Variants in GPC6 observed in about 807,000 individuals in gnomAD.
The protein encoded by GPC6 is glypican 6.
In GPC6, 14 loss-of-function variants were observed where a neutral mutation model predicts 55.2. The observed-to-expected ratio is 0.25, with a 90% CI of 0.17 to 0.40. The LOEUF (loss-of-function observed/expected upper bound fraction) is 0.40. Among genes scored for constraint, GPC6 ranks in the 10% least tolerant of loss-of-function variants. GPC6 has a pLI of 1.00. For missense variants in GPC6, 641 were observed against 708.5 expected (o/e 0.90, Z 1.08); for synonymous variants, 278 against 259.6 (o/e 1.07, Z -0.68).
chr13:94,085,321 CAAA>C lies in GPC6; in HGVS notation c.877+57448_877+57450del, dbSNP rs33967804. Among the ~76,000 whole-genome samples the C allele has an allele frequency of 3.7e-3, 323 of 87,052 alleles. 2 individuals carry two copies. The highest frequency in any genetic ancestry group is 0.011 in the African/African-American group (257 of 23,212). 57.1% of individuals were successfully genotyped at this position (87,052 alleles called of 152,430 possible). A position where few individuals can be genotyped will look rare whatever the true frequency, so the allele number is the denominator to read the frequency against. ...TGGGTGACAGAGCGAGATTCTGTCT[CAAA>C]AAAAAAAAAAAAAAAAAAAAGGGAA... On this transcript the variant is annotated intron_variant, in intron 4 of 8. Coordinates refer to ENST00000377047, the MANE Select transcript of GPC6 (RefSeq NM_005708.5).
chr13:93,275,277 C>A (rs1877691570), intron 1 of GPC6, among the ~76,000 whole-genome samples: 1 of 152,110 alleles, frequency 6.6e-6, no homozygotes, highest in African/African-American at 2.4e-5. Flanking sequence ...CATGAAATGG[C>A]TTTTTCTGTC....
intron 4 of GPC6, among the ~76,000 whole-genome samples, chr13:94,118,168 A>G (rs576047174): frequency 6.6e-6 from 1 of 152,160 alleles, no homozygotes; most frequent in African/African-American, 2.4e-5. Context: ...ATAATCCCCA[A>G]GTGTCATAGG....
intron 2 of GPC6, among the ~76,000 whole-genome samples, chr13:93,788,518 T>TACACACACACACACACACAC (rs71203703): frequency 6.1e-5 from 9 of 148,028 alleles, no homozygotes; most frequent in East Asian, 2.0e-4. Flanking sequence ...GTTCACTCTT[T>TACACACACACACACACACAC]ACACACACAC....
chr13:93,910,518 T>G (rs1227585949), intron 3 of GPC6, among the ~76,000 whole-genome samples: 1 of 151,982 alleles, frequency 6.6e-6, no homozygotes, highest in East Asian at 1.9e-4. Flanking sequence ...GATTGAGAGA[T>G]AGATCCAATG....
At chr13:94,195,840 G>A (rs900427904) in intron 4 of GPC6, among the ~76,000 whole-genome samples, 1 of 152,174 alleles carries the variant, frequency 6.6e-6, no homozygotes, top group African/African-American at 2.4e-5. Flanking sequence ...AAAGACTGTA[G>A]TTTACGGGTG....
intron 3 of GPC6, among the ~76,000 whole-genome samples, chr13:93,892,946 A>C (rs563759234): frequency 1.3e-5 from 2 of 151,384 alleles, no homozygotes; most frequent in South Asian, 2.1e-4. Flanking sequence ...TTGGAAATGC[A>C]AAGTATAAAT....
chr13:93,732,180 C>A (rs1192567300), intron 2 of GPC6, among the ~76,000 whole-genome samples: 1 of 152,060 alleles, frequency 6.6e-6, no homozygotes, highest in African/African-American at 2.4e-5. Context: ...AAGTGATGTC[C>A]ACATGTCCCT....
At position 93,992,565 on chromosome 13, in the gene GPC6, A is replaced by G. The variant is rs138353136; in HGVS notation, c.712-35164A>G. On this transcript the variant is annotated intron_variant, in intron 3 of 8. Coordinates refer to ENST00000377047, the MANE Select transcript of GPC6 (RefSeq NM_005708.5). ...TTTTCCTTGCTTTTATTTTAGACCA[A>G]TGGTTGCACTCAAGGTTAATTCAAG... Among the ~76,000 whole-genome samples, 379 of 152,312 alleles carry G rather than the reference A, an allele frequency of 2.5e-3. 1 individual carries two copies. Among genetic ancestry groups the G allele is most frequent in the African/African-American group, 8.8e-3 (365 of 41,574 alleles).
Position 93,481,943 on chromosome 13 carries a change from T to G in GPC6, c.161-63320T>G, listed in dbSNP as rs76437178. On this transcript the variant is annotated intron_variant, in intron 1 of 8. Transcript: ENST00000377047. ...ATGTTATAATGAGCTTGTCAATTTT[T>G]TTAAAGGGTGGCTGAGATTTTGACA... 3.1e-3 allele frequency among the ~76,000 whole-genome samples: 476 copies of G among 152,282 alleles called. 2 individuals carry two copies. The highest frequency in any genetic ancestry group is 0.014 in the Middle Eastern group (4 of 294).
chr13:93,830,612 T>TAAAAAAA (rs369020255), intron 3 of GPC6, 67 bp downstream of exon 3: 21 of 326,088 alleles, frequency 6.4e-5, no homozygotes, highest in East Asian at 2.3e-4. Flanking sequence ...AACCAATGTT[T>TAAAAAAA]AAAAAAAAAA....
intron 4 of GPC6, among the ~76,000 whole-genome samples, chr13:94,144,536 A>AGC (rs1887493661): frequency 1.2e-5 from 1 of 80,040 alleles, no homozygotes. Context: ...ATTCTTTGGG[A>AGC]GTGTGTGTGT....
chr13:93,290,325 T>A (rs568997249), intron 1 of GPC6, among the ~76,000 whole-genome samples: 11 of 152,246 alleles, frequency 7.2e-5, no homozygotes, highest in African/African-American at 2.2e-4. Flanking sequence ...CTGGGGCATA[T>A]CAATTAAGAA....
chr13:93,392,720 C>T (rs942103527), intron 1 of GPC6, among the ~76,000 whole-genome samples: 1 of 152,122 alleles, frequency 6.6e-6, no homozygotes, highest in Non-Finnish European at 1.5e-5. Context: ...AAAGCAATGT[C>T]TTCTCACTTG....
chr13:93,489,004 G>A (rs1360153402), intron 1 of GPC6, among the ~76,000 whole-genome samples: 1 of 151,580 alleles, frequency 6.6e-6, no homozygotes, highest in Non-Finnish European at 1.5e-5. Flanking sequence ...TTTGGCTTTT[G>A]TTGCCATTGC....
chr13:93,767,698 C>T (rs570862077), intron 2 of GPC6, among the ~76,000 whole-genome samples: 5 of 152,186 alleles, frequency 3.3e-5, no homozygotes, highest in South Asian at 2.1e-4. Context: ...CAGTAAAAAC[C>T]GATTACCATC....
At chr13:94,335,901 ATT>A (rs57333414) in intron 6 of GPC6, among the ~76,000 whole-genome samples, 30,274 of 146,824 alleles carry the variant, frequency 0.21, 3,166 homozygotes, top group South Asian at 0.34. Context: ...TGTTGTTGTG[ATT>A]TTTTTTTTTT....
chr13:94,062,392 A>G (rs1284188331), intron 4 of GPC6, among the ~76,000 whole-genome samples: 1 of 152,158 alleles, frequency 6.6e-6, no homozygotes, highest in African/African-American at 2.4e-5. Context: ...CTGTGACTAC[A>G]GGCATGTGCC....
chr13:94,066,569 G>A (rs1451947220), intron 4 of GPC6, among the ~76,000 whole-genome samples: 1 of 152,102 alleles, frequency 6.6e-6, no homozygotes, highest in Non-Finnish European at 1.5e-5. Flanking sequence ...ACATTTTTAA[G>A]TGTTACTCAA....
At chr13:94,388,151 T>C (rs529771939) in intron 7 of GPC6, among the ~76,000 whole-genome samples, 1 of 152,332 alleles carries the variant, frequency 6.6e-6, no homozygotes, top group East Asian at 1.9e-4. Flanking sequence ...TCACATTTAA[T>C]TGGCAACCAT....
Sources: allele counts gnomAD v4.1 joint callset (sites outside exome capture counted in the v4.1 genomes callset), GRCh38; gene constraint gnomAD v4.1.1; transcripts MANE v1.5; gene names NCBI Gene and HGNC (gene_info 2026-07-23, HGNC 2026-07-21).